The following PATJ variants were observed in gnomAD, a reference collection of about 807,000 sequenced individuals.
PATJ encodes inaD-like protein.
Under a neutral mutation model 224.9 loss-of-function variants are expected in PATJ, and 190 were observed. That is an observed-to-expected ratio of 0.84 (90% confidence interval 0.75 to 0.95). The LOEUF (loss-of-function observed/expected upper bound fraction) is 0.95, where lower values mean the gene tolerates loss of function less well. PATJ is among the 40% of genes least tolerant of loss of function. The pLI, the probability that PATJ is intolerant of heterozygous loss-of-function variation, is 0.00. For missense variants in PATJ, 2,121 were observed against 2,270.3 expected, an observed-to-expected ratio of 0.93 and a Z score of 1.34; for synonymous variants, 769 against 820.3, an observed-to-expected ratio of 0.94 and a Z score of 1.07.
At chr1:61,762,731 T>G (rs1646036658) in intron 1 of PATJ, 127 bp from the exon 2 acceptor site, 1 of 482,206 alleles carries the variant, frequency 2.1e-6, no homozygotes. Context: ...ATTGTGGTTA[T>G]AATTTTGAAT....
chr1:62,098,938 C>T (rs1251232237), intron 33 of PATJ, among the ~76,000 whole-genome samples: 1 of 152,060 alleles, frequency 6.6e-6, no homozygotes, highest in African/African-American at 2.4e-5. Flanking sequence ...AGTTTGGGGT[C>T]TATCAGCTTT....
chr1:61,791,464 T>TATTTTATATTTGGAAATTGTAAAGG lies in PATJ; in HGVS notation c.1168+20_1168+44dup, dbSNP rs1649847294. The TATTTTATATTTGGAAATTGTAAAGG allele has an allele frequency of 5.6e-6, 8 of 1,431,156 alleles. No homozygotes were observed. The highest frequency in any genetic ancestry group is 7.8e-6 in the Non-Finnish European group (8 of 1,020,906). 88.7% of individuals were successfully genotyped at this position (1,431,156 alleles called of 1,614,324 possible). A position where few individuals can be genotyped will look rare whatever the true frequency, so the allele number is the denominator to read the frequency against. ...CTCATACAGGTAAATGAATCATTTCTATTTTATATTTGGAAATTGTAAAGG... is the reference window on the plus strand; with the variant it reads ...CTCATACAGGTAAATGAATCATTTCTATTTTATATTTGGAAATTGTAAAGGATTTTATATTTGGAAATTGTAAAGG... On this transcript the variant is annotated intron_variant, in intron 9 of 43. Coordinates refer to ENST00000642238, the MANE Select transcript of PATJ (RefSeq NM_001350145.3).
At chr1:62,065,120 A>C (rs1268436735) in intron 31 of PATJ, among the ~76,000 whole-genome samples, 1 of 152,184 alleles carries the variant, frequency 6.6e-6, no homozygotes, top group Non-Finnish European at 1.5e-5. Flanking sequence ...TTTCTTGGTG[A>C]TAAAAAAGGC....
At chr1:61,874,250 A>G (rs6656711) in intron 20 of PATJ, among the ~76,000 whole-genome samples, 149,571 of 151,876 alleles carry the variant, frequency 0.98, 73,691 homozygotes, top group East Asian at 1. Context: ...CACTCAGGCT[A>G]GAGTGCAATG....
Position 61,901,368 on chromosome 1 carries a change from A to C in PATJ, c.3290A>C (p.Glu1097Ala). Residue 1097 changes from glutamate (E) to alanine (A), a missense_variant, in exon 24 of 44, where the codon GAG becomes GCG. Glu to Ala is a moderately radical substitution (Grantham distance 107). Coordinates refer to ENST00000642238, the MANE Select transcript of PATJ (RefSeq NM_001350145.3). ...GTTATAAAACGTCTAAAGAATGGAG[A>C]GGAGCTTAAAGGTATATTCATCAAA... ...QTVIKRLKNG[E>A]ELKGIFIKQV... 6.3e-7 allele frequency: 1 copy of C among 1,587,692 alleles called. No homozygotes were observed. Among genetic ancestry groups the C allele is most frequent in the Non-Finnish European group, 8.5e-7 (1 of 1,170,656 alleles).
At chr1:61,745,888 A>G (rs1644999196) in intron 1 of PATJ, among the ~76,000 whole-genome samples, 1 of 149,448 alleles carries the variant, frequency 6.7e-6, no homozygotes, top group African/African-American at 2.5e-5. Flanking sequence ...ACAGGCGTGA[A>G]CCACCGGGCC....
chr1:62,103,930 A>G (rs1391320426), intron 33 of PATJ, among the ~76,000 whole-genome samples: 6 of 152,166 alleles, frequency 3.9e-5, no homozygotes, highest in South Asian at 2.1e-4. Context: ...GATTTAGACC[A>G]AAGAAGTCTG....
rs35711547 is a variant in PATJ at position 62,014,562 on chromosome 1, C to CTTT, written c.3868-3274_3868-3272dup. 8.0e-3 allele frequency among the ~76,000 whole-genome samples: 674 copies of CTTT among 84,522 alleles called. 10 individuals carry two copies. Among genetic ancestry groups the CTTT allele is most frequent in the African/African-American group, 0.012 (252 of 21,502 alleles). 55.4% of individuals were successfully genotyped at this position (84,522 alleles called of 152,430 possible). ...TTTTAAAGACGATTTCTTTTCTTTC[C>CTTT]TTTTTTTTTTTTTTTTTTTTTTGAC... On this transcript the variant is annotated intron_variant, in intron 28 of 43. Transcript: ENST00000642238.
intron 30 of PATJ, among the ~76,000 whole-genome samples, chr1:62,041,966 G>A (rs756534375): frequency 6.6e-6 from 1 of 151,922 alleles, no homozygotes; most frequent in East Asian, 1.9e-4. Flanking sequence ...CAGCCTGGGC[G>A]ACAGAGAAAG....
chr1:61,842,086 CT>C (rs1200300628), intron 17 of PATJ, among the ~76,000 whole-genome samples: 2 of 152,158 alleles, frequency 1.3e-5, no homozygotes, highest in Non-Finnish European at 2.9e-5. Flanking sequence ...AGGGAGCCCA[CT>C]CCTGGTGTGT....
Position 61,918,394 on chromosome 1 carries a change from G to A in PATJ, c.3570+3730G>A, listed in dbSNP as rs554500838. On this transcript the variant is annotated intron_variant, in intron 26 of 43. Transcript: ENST00000642238. ...ATGGCATCAGCTCACTGCAACCTCC[G>A]CCTCCCAGATTCAAGTGATTCTCAT... Among the ~76,000 whole-genome samples, 256 of 140,654 alleles carry A rather than the reference G, an allele frequency of 1.8e-3. 1 individual carries two copies. Among genetic ancestry groups the A allele is most frequent in the African/African-American group, 6.3e-3 (236 of 37,484 alleles). 92.3% of individuals were successfully genotyped at this position (140,654 alleles called of 152,430 possible).
At position 61,782,615 on chromosome 1, in the gene PATJ, T is replaced by C. The variant is rs1159473424; in HGVS notation, c.850-5139T>C. ...TTAAGAAACATTTGTTGAGATCTAG[T>C]TACAATGTCCAATCAGTTAATATAA... is the stretch of plus-strand genomic sequence containing the variant. On this transcript the variant is annotated intron_variant, in intron 7 of 43. Coordinates refer to ENST00000642238, the MANE Select transcript of PATJ (RefSeq NM_001350145.3). Among the ~76,000 whole-genome samples, 3 of 152,192 alleles carry C rather than the reference T, an allele frequency of 2.0e-5. No homozygotes were observed. In the East Asian group the frequency reaches 5.8e-4, roughly 29 times the overall value.
intron 39 of PATJ, 97 bp downstream of exon 39, chr1:62,123,155 TG>T: frequency 1.2e-6 from 1 of 841,818 alleles, no homozygotes; most frequent in South Asian, 1.6e-5. Context: ...ATTGTGAGTG[TG>T]CTCTTTCAAG....
intron 27 of PATJ, among the ~76,000 whole-genome samples, chr1:61,950,356 T>C (rs1358886686): frequency 6.6e-6 from 1 of 152,188 alleles, no homozygotes; most frequent in Non-Finnish European, 1.5e-5. Context: ...CCCAAACCAC[T>C]AAATTAGTTA....
chr1:61,801,220 T>G (rs189377129), intron 11 of PATJ, among the ~76,000 whole-genome samples: 6 of 152,306 alleles, frequency 3.9e-5, no homozygotes, highest in African/African-American at 1.4e-4. Flanking sequence ...TTCCTATTTC[T>G]CTACATCCTC....
chr1:62,131,237 C>T (rs1158556056), intron 41 of PATJ, among the ~76,000 whole-genome samples: 1 of 152,168 alleles, frequency 6.6e-6, no homozygotes, highest in Non-Finnish European at 1.5e-5. Context: ...CTCCACCCTA[C>T]AAATCCTTTG....
At position 62,098,594 on chromosome 1, in the gene PATJ, C is replaced by CAA. The variant is rs111316760; in HGVS notation, c.4378-9831_4378-9830dup. 1.2e-3 allele frequency among the ~76,000 whole-genome samples: 168 copies of CAA among 139,084 alleles called. 2 individuals carry two copies. The highest frequency in any genetic ancestry group is 3.8e-3 in the African/African-American group (143 of 37,966). The allele number at this position is 139,084 out of a possible 152,430, so 91.2% of individuals were successfully genotyped here. A position where few individuals can be genotyped will look rare whatever the true frequency, so the allele number is the denominator to read the frequency against. ...TGGATAACGGAGTGAGACCGTGTCT[C>CAA]AAAAAAAAAAAAAGTCATGTAGTTC... On this transcript the variant is annotated intron_variant, in intron 33 of 43. Coordinates refer to ENST00000642238, the MANE Select transcript of PATJ (RefSeq NM_001350145.3).
chr1:61,844,211 A>G (rs929567072), intron 17 of PATJ, among the ~76,000 whole-genome samples: 1 of 152,242 alleles, frequency 6.6e-6, no homozygotes, highest in Non-Finnish European at 1.5e-5. Context: ...CCCAGGGGGA[A>G]TTGAGGTCTG....
intron 41 of PATJ, among the ~76,000 whole-genome samples, chr1:62,146,009 C>T (rs1668006773): frequency 6.6e-6 from 1 of 151,920 alleles, no homozygotes; most frequent in South Asian, 2.1e-4. Flanking sequence ...TTAGAAGGAA[C>T]CAGGAAGCGG....
Sources: gnomAD v4.1 joint callset for allele counts (sites outside exome capture counted in the v4.1 genomes callset) on GRCh38, gnomAD v4.1.1 for gene constraint, MANE v1.5 for transcripts, NCBI Gene and HGNC (gene_info 2026-07-23, HGNC 2026-07-21) for gene names.